CAB39: variants seen among roughly 807,000 people sequenced by gnomAD.
CAB39 encodes the protein calcium binding protein 39, also known as calcium-binding protein 39.
In CAB39, 8 loss-of-function variants were observed where a neutral mutation model predicts 40.0. That is an observed-to-expected ratio of 0.20 (90% CI 0.12 to 0.36). The LOEUF (loss-of-function observed/expected upper bound fraction) is 0.36, where lower values mean the gene tolerates loss of function less well. Ranked by LOEUF, CAB39 falls within the 10% of genes least tolerant of loss-of-function variation. The probability of loss-of-function intolerance (pLI) is 1.00; values close to 1 mark genes in which losing one functional copy is unlikely to be tolerated. For synonymous variants in CAB39, 156 were observed against 141.6 expected (o/e 1.10, Z -0.72); for missense variants, 270 against 401.1 (o/e 0.67, Z 2.79).
At chr2:230,722,944 G>A (rs533893486) in intron 1 of CAB39, among the ~76,000 whole-genome samples, 1 of 152,124 alleles carries the variant, frequency 6.6e-6, no homozygotes, top group East Asian at 1.9e-4. Flanking sequence ...CTCGGTTGCC[G>A]AGCTTTATGC....
At chr2:230,817,479 C>G (rs1299197172) in intron 7 of CAB39, among the ~76,000 whole-genome samples, 1 of 152,112 alleles carries the variant, frequency 6.6e-6, no homozygotes, top group Admixed American at 6.5e-5. Flanking sequence ...CTTTGAGAGT[C>G]TCCCACTGGG....
chr2:230,780,509 T>G (rs1194971185), intron 2 of CAB39, among the ~76,000 whole-genome samples: 3 of 152,210 alleles, frequency 2.0e-5, no homozygotes, highest in Non-Finnish European at 4.4e-5. Flanking sequence ...CTGAAACAGT[T>G]CCTCAGTCTT....
intron 2 of CAB39, among the ~76,000 whole-genome samples, chr2:230,764,705 AG>A (rs1265215664): frequency 6.6e-6 from 1 of 152,248 alleles, no homozygotes; most frequent in African/African-American, 2.4e-5. Flanking sequence ...TTGAAGTGAC[AG>A]GTTCATTTTA....
chr2:230,772,964 C>G (rs1695511488), intron 2 of CAB39, among the ~76,000 whole-genome samples: 1 of 117,756 alleles, frequency 8.5e-6, no homozygotes, highest in Admixed American at 1.1e-4. Context: ...ATCCATGTAA[C>G]AGAGTACTAC....
chr2:230,814,289 C>G (rs867978537), intron 7 of CAB39, among the ~76,000 whole-genome samples, 175 bp downstream of exon 7: 26 of 152,064 alleles, frequency 1.7e-4, no homozygotes, highest in Admixed American at 1.3e-4. Flanking sequence ...CCATGTGGAG[C>G]ACTTTCCTGC....
At chr2:230,739,122 G>A (rs1229223660) in intron 1 of CAB39, among the ~76,000 whole-genome samples, 1 of 152,110 alleles carries the variant, frequency 6.6e-6, no homozygotes, top group African/African-American at 2.4e-5. Context: ...CTTATTTACC[G>A]AAATGTGGGT....
chr2:230,724,028 G>A (rs1247493230), intron 1 of CAB39, among the ~76,000 whole-genome samples: 1 of 152,070 alleles, frequency 6.6e-6, no homozygotes, highest in Non-Finnish European at 1.5e-5. Flanking sequence ...TGGATCCCTT[G>A]AGGCCTTTAG....
chr2:230,808,470 G>A (rs563984653), intron 5 of CAB39, among the ~76,000 whole-genome samples: 3 of 152,314 alleles, frequency 2.0e-5, no homozygotes, highest in African/African-American at 4.8e-5. Flanking sequence ...GTCCGTACTT[G>A]ATAACATTCC....
chr2:230,790,943 T>A lies in CAB39; in HGVS notation c.186T>A (p.Pro62=). ...TGTATGGCACAAATGAAAAAGAGCC[T>A]CAGACAGAAGCAGTAGCTCAACTTG... ...EILYGTNEKE[P]QTEAVAQLAQ... The change falls in exon 3 of 9, where the codon CCT becomes CCA. Residue 62 remains proline (P), a synonymous_variant. Transcript: ENST00000258418. The A allele has an allele frequency of 1.2e-6, 2 of 1,613,150 alleles. No homozygotes were observed. Among genetic ancestry groups the A allele is most frequent in the Non-Finnish European group, 1.7e-6 (2 of 1,179,176 alleles).
Position 230,813,978 on chromosome 2 carries a change from C to CTTTT in CAB39, c.628-40_628-37dup, listed in dbSNP as rs1160253213. ...CTAATTTACAATGTTACCTACCAGTCTTTTTTTTTTTTTTTTTTTTTTTTT... is the reference window on the plus strand; with the variant it reads ...CTAATTTACAATGTTACCTACCAGTCTTTTTTTTTTTTTTTTTTTTTTTTTTTTT... On this transcript the variant is annotated intron_variant, in intron 6 of 8. Transcript: ENST00000258418. The CTTTT allele has an allele frequency of 1.0e-3, 118 of 113,116 alleles. 25 individuals are homozygous for CTTTT. Among genetic ancestry groups the CTTTT allele is most frequent in the East Asian group, 2.1e-3 (6 of 2,924 alleles). 7.0% of individuals were successfully genotyped at this position (113,116 alleles called of 1,614,324 possible).
At chr2:230,727,051 T>C (rs1694592498) in intron 1 of CAB39, among the ~76,000 whole-genome samples, 1 of 151,792 alleles carries the variant, frequency 6.6e-6, no homozygotes, top group Admixed American at 6.6e-5. Context: ...GAACAAGACA[T>C]AGGAGTATAT....
At chr2:230,815,836 G>A (rs1696390347) in intron 7 of CAB39, among the ~76,000 whole-genome samples, 1 of 152,184 alleles carries the variant, frequency 6.6e-6, no homozygotes, top group East Asian at 1.9e-4. Context: ...ACATGGAGCG[G>A]CTTCAGCACC....
At chr2:230,798,271 A>T (rs1287654980) in intron 4 of CAB39, among the ~76,000 whole-genome samples, 1 of 152,190 alleles carries the variant, frequency 6.6e-6, no homozygotes, top group Non-Finnish European at 1.5e-5. Context: ...AATTGAAACA[A>T]CAAGGTATAA....
At chr2:230,762,454 A>T (rs543344805) in intron 2 of CAB39, among the ~76,000 whole-genome samples, 2 of 152,172 alleles carry the variant, frequency 1.3e-5, no homozygotes, top group Non-Finnish European at 2.9e-5. Flanking sequence ...TGATAGCCCT[A>T]CAGGCTTTGC....
chr2:230,734,085 G>A (rs928193076), intron 1 of CAB39, among the ~76,000 whole-genome samples: 6 of 152,214 alleles, frequency 3.9e-5, no homozygotes, highest in African/African-American at 1.4e-4. Context: ...GTGAAGAGGA[G>A]AAAGATCTGA....
chr2:230,735,568 C>T (rs1192305632), intron 1 of CAB39, among the ~76,000 whole-genome samples: 1 of 152,242 alleles, frequency 6.6e-6, no homozygotes, highest in Non-Finnish European at 1.5e-5. Context: ...GGCTGGAGTG[C>T]AGTGGTGCAG....
At chr2:230,797,471 A>G (rs755247159) in intron 4 of CAB39, among the ~76,000 whole-genome samples, 1 of 151,342 alleles carries the variant, frequency 6.6e-6, no homozygotes, top group Admixed American at 6.6e-5. Context: ...CTGGTTTAGA[A>G]CTGGGTAACT....
At chr2:230,726,724 A>C (rs1694579211) in intron 1 of CAB39, among the ~76,000 whole-genome samples, 1 of 151,974 alleles carries the variant, frequency 6.6e-6, no homozygotes, top group Non-Finnish European at 1.5e-5. Flanking sequence ...GATTGTTGCT[A>C]ACCTATTCAT....
chr2:230,731,441 G>C (rs781586203), intron 1 of CAB39, among the ~76,000 whole-genome samples: 19 of 152,230 alleles, frequency 1.2e-4, no homozygotes, highest in Non-Finnish European at 2.6e-4. Context: ...AAATCTAGCT[G>C]TTTTATTGAT....
Sources: allele counts gnomAD v4.1 joint callset (sites outside exome capture counted in the v4.1 genomes callset), GRCh38; gene constraint gnomAD v4.1.1; transcripts MANE v1.5; gene names NCBI Gene and HGNC (gene_info 2026-07-23, HGNC 2026-07-21).